The following XPO4 variants were observed in gnomAD, a reference collection of about 807,000 sequenced individuals.
XPO4 encodes the protein exportin 4.
A neutral mutation model predicts 143.0 loss-of-function variants in XPO4; 39 were observed. The ratio of observed to expected loss-of-function variants is 0.27; its 90% CI spans 0.21 to 0.36. The LOEUF (loss-of-function observed/expected upper bound fraction) is 0.36. Ranked by LOEUF, XPO4 falls within the 10% of genes least tolerant of loss-of-function variation. The pLI is 1.00. For synonymous variants in XPO4, 439 were observed against 474.0 expected (o/e 0.93, Z 0.96); for missense variants, 907 against 1,348.0 (o/e 0.67, Z 5.12).
In XPO4 at chr13:20,824,276, G is replaced by A. The variant is rs762390941; in HGVS notation, c.841-1987C>T. 6.2e-4 allele frequency among the ~76,000 whole-genome samples: 95 copies of A among 152,042 alleles called. 3 individuals carry two copies. The highest frequency in any genetic ancestry group is 2.9e-4 in the Non-Finnish European group (20 of 68,014). ...ACTCACTCTTATAAGTTCTTTATCC[G>A]AAATCTGTAATTAAATTTTTGTCAC... On this transcript the variant is annotated intron_variant, in intron 7 of 22. Transcript: ENST00000255305.
chr13:20,879,526 C>A (rs1383766743), intron 1 of XPO4, among the ~76,000 whole-genome samples: 1 of 152,126 alleles, frequency 6.6e-6, no homozygotes, highest in Non-Finnish European at 1.5e-5. Flanking sequence ...TTGGAGGAAT[C>A]CAGGCTTCAG....
intron 7 of XPO4, among the ~76,000 whole-genome samples, chr13:20,826,742 T>C (rs577278353): frequency 6.6e-6 from 1 of 152,378 alleles, no homozygotes; most frequent in South Asian, 2.1e-4. Context: ...TTGTAAAGTT[T>C]TGTTTGAATT....
chr13:20,816,051 A>G (rs2059646471), intron 9 of XPO4, among the ~76,000 whole-genome samples: 1 of 152,210 alleles, frequency 6.6e-6, no homozygotes. Flanking sequence ...ATAATCGTTC[A>G]TTTCATTATT....
rs745490526 is a variant in XPO4, at chr13:20,842,995, G to A, written c.627C>T (p.Phe209=). The change falls in exon 6 of 23, where the codon TTC becomes TTT. Residue 209 remains phenylalanine (F), a synonymous_variant. Transcript: ENST00000255305. ...GAGCATTGAGGTTTTCCCGCCTGCT[G>A]AACTCCTGCAGAACTTCAACAGTTA... ...FMLTVEVLQE[F]SRRENLNAQM... The A allele has an allele frequency of 6.2e-7, 1 of 1,613,384 alleles. No individual in the cohort carries two copies. The highest frequency in any genetic ancestry group is 8.5e-7 in the Non-Finnish European group (1 of 1,179,510).
chr13:20,827,166 A>G lies in XPO4; in HGVS notation c.741T>C (p.Tyr247=). The G allele has an allele frequency of 2.5e-6, 4 of 1,613,048 alleles. No homozygotes were observed. The highest frequency in any genetic ancestry group is 3.4e-6 in the Non-Finnish European group (4 of 1,179,082). ...NFLPPNLGRH[Y]IAMFESSQNV... Reference sequence around the variant, plus strand: ...TTTGCGAGGATTCAAACATAGCTATATAATGTCTGCCCAGTTATTTGGTGT... The same window carrying G: ...TTTGCGAGGATTCAAACATAGCTATGTAATGTCTGCCCAGTTATTTGGTGT... Residue 247 remains tyrosine (Y), a synonymous_variant, in exon 7 of 23, where the codon TAT becomes TAC. Coordinates refer to ENST00000255305, the MANE Select transcript of XPO4 (RefSeq NM_022459.5).
At chr13:20,894,952 C>A (rs774084286) in intron 1 of XPO4, among the ~76,000 whole-genome samples, 4 of 151,566 alleles carry the variant, frequency 2.6e-5, no homozygotes, top group Non-Finnish European at 4.4e-5. Context: ...CCGAGGCGAG[C>A]GGATCACCTG....
At chr13:20,883,421 T>A (rs761851926) in intron 1 of XPO4, among the ~76,000 whole-genome samples, 22 of 152,140 alleles carry the variant, frequency 1.4e-4, no homozygotes, top group Non-Finnish European at 3.2e-4. Context: ...ACTGAAGAAT[T>A]CAAAGAGAAG....
At chr13:20,893,472 G>C (rs1566631152) in intron 1 of XPO4, among the ~76,000 whole-genome samples, 2 of 152,132 alleles carry the variant, frequency 1.3e-5, no homozygotes, top group African/African-American at 4.8e-5. Context: ...AAGCACGGTG[G>C]CTCATGCCTG....
intron 1 of XPO4, among the ~76,000 whole-genome samples, chr13:20,878,693 C>A (rs530391579): frequency 7.2e-4 from 109 of 152,214 alleles, no homozygotes; most frequent in Non-Finnish European, 1.4e-3. Flanking sequence ...GCCATGATGG[C>A]CTCTGTGGAA....
chr13:20,850,809 G>A (rs550202744), intron 4 of XPO4: 116 of 985,382 alleles, frequency 1.2e-4, no homozygotes, highest in Middle Eastern at 1.0e-3. Flanking sequence ...CTTCAAAAGC[G>A]AAGGGGGAAA....
At chr13:20,858,095 C>T (rs2060161706) in intron 3 of XPO4, 1 of 484,288 alleles carries the variant, frequency 2.1e-6, no homozygotes, top group Non-Finnish European at 2.7e-6. Flanking sequence ...CAAAAAAGAG[C>T]ACACAATTAT....
chr13:20,902,313 C>T (rs2060628958), intron 1 of XPO4: 3 of 985,304 alleles, frequency 3.0e-6, no homozygotes, highest in African/African-American at 1.7e-5. Flanking sequence ...CTACAAATTT[C>T]CCCTACCGAA....
rs139931698 is a variant in XPO4, at chr13:20,882,958, G to A, written c.70-14257C>T. Among the ~76,000 whole-genome samples, 315 of 150,806 alleles carry A rather than the reference G, an allele frequency of 2.1e-3. 1 individual carries two copies. Among genetic ancestry groups the A allele is most frequent in the South Asian group, 7.6e-3 (36 of 4,758 alleles). ...CATTCTCTGCTGTACTCAGAGCCCC[G>A]AGAGGCTGACCTCTAGACACCACAT... On this transcript the variant is annotated intron_variant, in intron 1 of 22. Transcript: ENST00000255305.
At chr13:20,827,609 T>G (rs2059800239) in intron 6 of XPO4, among the ~76,000 whole-genome samples, 1 of 152,062 alleles carries the variant, frequency 6.6e-6, no homozygotes, top group South Asian at 2.1e-4. Context: ...ATAGTCTACT[T>G]GGAAAAATAG....
At chr13:20,826,735 T>TA (rs2059790649) in intron 7 of XPO4, among the ~76,000 whole-genome samples, 1 of 152,244 alleles carries the variant, frequency 6.6e-6, no homozygotes, top group African/African-American at 2.4e-5. Flanking sequence ...CATTATTTTG[T>TA]AAAGTTTTGT....
rs2060047152 is a variant in XPO4, at chr13:20,848,260, T to C, written c.457-4374A>G. 3.1e-6 allele frequency: 3 copies of C among 983,408 alleles called. No homozygotes were observed. In the South Asian group the frequency reaches 1.4e-4, roughly 46 times the overall value. 60.9% of individuals were successfully genotyped at this position (983,408 alleles called of 1,614,324 possible). The stretch of plus-strand genomic sequence containing the variant: ...AAATAAATGATAAATAAAAACATTC[T>C]GCAGGACTCTTTCAGGAGTCCAATA... On this transcript the variant is annotated intron_variant, in intron 4 of 22. Transcript: ENST00000255305.
At chr13:20,868,553 T>C in intron 2 of XPO4, 43 bp downstream of exon 2, 1 of 1,592,934 alleles carries the variant, frequency 6.3e-7, no homozygotes, top group Non-Finnish European at 8.5e-7. Context: ...AACCCAGATC[T>C]GATTATGCCA....
In XPO4 at chr13:20,865,071, T is replaced by C. The variant is rs530651119; in HGVS notation, c.176-2213A>G. Reference sequence around the variant, plus strand: ...CTTCACAAATACATATGAGCTTTACTTTCGCTCTCTGTTACAAAGATGCCT... The same window carrying C: ...CTTCACAAATACATATGAGCTTTACCTTCGCTCTCTGTTACAAAGATGCCT... On this transcript the variant is annotated intron_variant, in intron 2 of 22. Coordinates refer to ENST00000255305, the MANE Select transcript of XPO4 (RefSeq NM_022459.5). Among the ~76,000 whole-genome samples, 8 of 152,216 alleles carry C rather than the reference T, an allele frequency of 5.3e-5. 1 individual carries two copies. The highest frequency in any genetic ancestry group is 1.7e-4 in the African/African-American group (7 of 41,546).
In XPO4 at chr13:20,782,743, T is replaced by G. The variant is rs557806268; in HGVS notation, c.*979A>C. The G allele has an allele frequency of 6.6e-6, 1 of 152,632 alleles. No homozygotes were observed. The highest frequency in any genetic ancestry group is 1.5e-5 in the Non-Finnish European group (1 of 68,040). 9.5% of individuals were successfully genotyped at this position (152,632 alleles called of 1,614,324 possible). On this transcript the variant is annotated 3_prime_UTR_variant, in exon 23 of 23. Transcript: ENST00000255305. ...AAAGGGGCAACAGGTTCATAGCAGCTAACACCCTAAACCAACTCTGAAGCA... is the reference window on the plus strand; with the variant it reads ...AAAGGGGCAACAGGTTCATAGCAGCGAACACCCTAAACCAACTCTGAAGCA...
Sources: gnomAD v4.1 joint callset for allele counts (sites outside exome capture counted in the v4.1 genomes callset) on GRCh38, gnomAD v4.1.1 for gene constraint, MANE v1.5 for transcripts, NCBI Gene and HGNC (gene_info 2026-07-23, HGNC 2026-07-21) for gene names.